GFRA1: variants seen among roughly 807,000 people sequenced by gnomAD.
The protein encoded by GFRA1 is GDNF family receptor alpha 1.
In GFRA1, 16 loss-of-function variants were observed where a neutral mutation model predicts 51.6. The ratio of observed to expected loss-of-function variants is 0.31; its 90% confidence interval spans 0.21 to 0.47. The LOEUF is 0.47. GFRA1 is among the 20% of genes least tolerant of loss of function. GFRA1 has a pLI of 1.00. For synonymous variants in GFRA1, 270 were observed against 241.3 expected (o/e 1.12, Z -1.10); for missense variants, 530 against 594.3 (o/e 0.89, Z 1.13).
At chr10:116,107,019 C>A (rs951820814) in intron 6 of GFRA1, among the ~76,000 whole-genome samples, 1 of 152,176 alleles carries the variant, frequency 6.6e-6, no homozygotes, top group African/African-American at 2.4e-5. Context: ...AGAAGCTGAG[C>A]AAATGCCAGC....
chr10:116,088,935 A>G (rs1956215976), intron 9 of GFRA1, among the ~76,000 whole-genome samples: 1 of 150,876 alleles, frequency 6.6e-6, no homozygotes, highest in Admixed American at 6.6e-5. Flanking sequence ...AAAAAAAAAA[A>G]AAAAAAAAAA....
At chr10:116,140,176 G>A (rs987207299) in intron 5 of GFRA1, among the ~76,000 whole-genome samples, 1 of 152,162 alleles carries the variant, frequency 6.6e-6, no homozygotes. Context: ...AGAGGGGACT[G>A]GCTTGACTCA....
chr10:116,126,356 G>C (rs1415550136), intron 5 of GFRA1, among the ~76,000 whole-genome samples: 1 of 152,184 alleles, frequency 6.6e-6, no homozygotes, highest in Non-Finnish European at 1.5e-5. Context: ...AGGGAAGCCA[G>C]TGCTGTCCAC....
At chr10:116,114,488 T>G (rs1324205928) in intron 6 of GFRA1, among the ~76,000 whole-genome samples, 1 of 152,214 alleles carries the variant, frequency 6.6e-6, no homozygotes, top group Non-Finnish European at 1.5e-5. Context: ...CATTTCCACA[T>G]GACGTTTAGT....
rs1844032756 is a variant in GFRA1, at chr10:116,272,446, CG to C, written c.-246-172del. ...GCGTGTTTTCCAGGGGCCGCTGACACGGGGATGGAGGTGAGGGCTGGAGAGG... is the reference window on the plus strand; with the variant it reads ...GCGTGTTTTCCAGGGGCCGCTGACACGGGATGGAGGTGAGGGCTGGAGAGG... On this transcript the variant is annotated intron_variant, in intron 1 of 10. Transcript: ENST00000355422. The surrounding 1 kb of genome is among the most constrained non-coding windows in gnomAD (Gnocchi z 4.4). The C allele has an allele frequency of 3.3e-6, 1 of 304,422 alleles. No homozygotes were observed. The highest frequency in any genetic ancestry group is 3.6e-5 in the South Asian group (1 of 27,568). 18.9% of individuals were successfully genotyped at this position (304,422 alleles called of 1,614,324 possible).
chr10:116,178,640 C>G (rs1283793614), intron 5 of GFRA1, among the ~76,000 whole-genome samples: 2 of 152,198 alleles, frequency 1.3e-5, no homozygotes, highest in Non-Finnish European at 2.9e-5. Context: ...AGAGATGAAT[C>G]CCCACTCTGA....
intron 6 of GFRA1, among the ~76,000 whole-genome samples, chr10:116,098,486 T>C (rs976124284): frequency 9.2e-5 from 14 of 152,230 alleles, no homozygotes; most frequent in African/African-American, 3.4e-4. Context: ...TGAGTGTTAA[T>C]TTCAAAAGAA....
At position 116,071,503 on chromosome 10, in the gene GFRA1, A is replaced by G. The variant is rs112059595; in HGVS notation, c.1198-5877T>C. ...GGGCTACATTTAGGTGAAGCCTCCA[A>G]TAATGGGTGCATAGTGAGTTGAAAT... is the stretch of plus-strand genomic sequence containing the variant. On this transcript the variant is annotated intron_variant, in intron 9 of 10. Coordinates refer to ENST00000355422, the MANE Select transcript of GFRA1 (RefSeq NM_005264.8). 4.2e-3 allele frequency among the ~76,000 whole-genome samples: 642 copies of G among 152,322 alleles called. 2 individuals carry two copies. Among genetic ancestry groups the G allele is most frequent in the African/African-American group, 0.015 (616 of 41,558 alleles).
At chr10:116,148,263 T>C (rs1958918921) in intron 5 of GFRA1, among the ~76,000 whole-genome samples, 1 of 152,038 alleles carries the variant, frequency 6.6e-6, no homozygotes, top group Admixed American at 6.6e-5. Context: ...TCCAATATTC[T>C]AATTTAAAGG....
chr10:116,197,110 T>G (rs2134365106), intron 5 of GFRA1, among the ~76,000 whole-genome samples: 1 of 152,152 alleles, frequency 6.6e-6, no homozygotes, highest in Non-Finnish European at 1.5e-5. Flanking sequence ...CCTTCATTGC[T>G]AGGGTCTGAA....
intron 9 of GFRA1, among the ~76,000 whole-genome samples, chr10:116,087,192 G>A (rs1369739303): frequency 6.6e-6 from 1 of 152,204 alleles, no homozygotes; most frequent in Non-Finnish European, 1.5e-5. Flanking sequence ...TGCAGGGAAA[G>A]GTGTTTGGAC....
intron 6 of GFRA1, among the ~76,000 whole-genome samples, chr10:116,120,962 T>G (rs74158591): frequency 1.3e-3 from 198 of 152,042 alleles, no homozygotes; most frequent in African/African-American, 4.3e-3. Flanking sequence ...GGTCCCTCTT[T>G]GCTTGGCACT....
At chr10:116,090,766 A>G (rs1230525973) in intron 8 of GFRA1, among the ~76,000 whole-genome samples, 1 of 152,132 alleles carries the variant, frequency 6.6e-6, no homozygotes, top group African/African-American at 2.4e-5. Flanking sequence ...TAAAAAACCA[A>G]ACTCCTCCAT....
intron 4 of GFRA1, among the ~76,000 whole-genome samples, chr10:116,246,603 C>T (rs767310347): frequency 2.0e-5 from 3 of 152,088 alleles, no homozygotes; most frequent in Non-Finnish European, 4.4e-5. Context: ...AGACACTGAA[C>T]GGACTATTAA....
chr10:116,251,098 G>C (rs1337788707), intron 4 of GFRA1, among the ~76,000 whole-genome samples: 2 of 152,146 alleles, frequency 1.3e-5, no homozygotes, highest in Non-Finnish European at 2.9e-5. Flanking sequence ...GTATCATATT[G>C]GTCAGTTTTC....
chr10:116,116,102 TTTC>T (rs983523835), intron 6 of GFRA1, among the ~76,000 whole-genome samples: 13 of 152,196 alleles, frequency 8.5e-5, no homozygotes, highest in African/African-American at 3.1e-4. Flanking sequence ...CTCTCTCTTT[TTTC>T]TTTTTTGAGA....
intron 4 of GFRA1, among the ~76,000 whole-genome samples, chr10:116,235,348 G>T (rs913312609): frequency 1.3e-5 from 2 of 152,170 alleles, no homozygotes; most frequent in African/African-American, 4.8e-5. Context: ...CACAGGAAAC[G>T]AATCTTGAGG....
At chr10:116,273,216 C>G (rs918385877), upstream of GFRA1, 3 of 152,122 alleles carry the variant, frequency 2.0e-5, 1 homozygote, top group South Asian at 4.1e-4. Context: ...TGTTTATTTA[C>G]TTATTTATTC....
chr10:116,061,530 A>G lies in GFRA1; in HGVS notation c.*2868T>C, dbSNP rs1159004245. On this transcript the variant is annotated 3_prime_UTR_variant, in exon 11 of 11. Transcript: ENST00000355422. ...TGAATGTGCTTCTAATCAGTGTGGC[A>G]ATACTGCCTTTATTCCCCCTCTCTT... 1.3e-5 allele frequency: 2 copies of G among 154,318 alleles called. No homozygotes were observed. The highest frequency in any genetic ancestry group is 2.9e-5 in the Non-Finnish European group (2 of 69,634). The allele number at this position is 154,318 out of a possible 1,614,324, so 9.6% of individuals were successfully genotyped here. A position where few individuals can be genotyped will look rare whatever the true frequency, so the allele number is the denominator to read the frequency against.
Sources: gnomAD v4.1 joint callset for allele counts (sites outside exome capture counted in the v4.1 genomes callset) on GRCh38, gnomAD v4.1.1 for gene constraint, Gnocchi (gnomAD v3.1) non-coding constraint, MANE v1.5 for transcripts, NCBI Gene and HGNC (gene_info 2026-07-23, HGNC 2026-07-21) for gene names.